Variants in SPOCK3 observed in about 807,000 individuals in gnomAD.
SPOCK3 encodes SPARC (osteonectin), cwcv and kazal like domains proteoglycan 3.
Under a neutral mutation model 56.6 loss-of-function variants are expected in SPOCK3, and 30 were observed. The ratio of observed to expected loss-of-function variants is 0.53; its 90% confidence interval spans 0.40 to 0.72. The LOEUF is 0.72. Among genes scored for constraint, SPOCK3 ranks in the 30% least tolerant of loss-of-function variants. The pLI, the probability that SPOCK3 is intolerant of heterozygous loss-of-function variation, is 0.00. For synonymous variants in SPOCK3, 196 were observed against 183.3 expected (o/e 1.07, Z -0.56); for missense variants, 527 against 530.0 (o/e 0.99, Z 0.06).
chr4:166,865,106 C>T (rs1311861136), intron 6 of SPOCK3, among the ~76,000 whole-genome samples: 1 of 152,120 alleles, frequency 6.6e-6, no homozygotes, highest in African/African-American at 2.4e-5. Context: ...GGCTTCATCC[C>T]TAGGATGCAA....
chr4:167,164,580 CT>C (rs1765595718), intron 2 of SPOCK3, among the ~76,000 whole-genome samples: 1 of 151,724 alleles, frequency 6.6e-6, no homozygotes, highest in Non-Finnish European at 1.5e-5. Context: ...TCCTAATGCT[CT>C]CCCCCATCTT....
intron 7 of SPOCK3, among the ~76,000 whole-genome samples, chr4:166,764,123 C>T (rs1737626293): frequency 6.6e-6 from 1 of 152,002 alleles, no homozygotes; most frequent in South Asian, 2.1e-4. Context: ...TCACTTTCCT[C>T]ATCTTCAAAG....
intron 2 of SPOCK3, among the ~76,000 whole-genome samples, chr4:167,098,912 A>G (rs574809454): frequency 6.6e-6 from 1 of 151,738 alleles, no homozygotes; most frequent in Non-Finnish European, 1.5e-5. Context: ...TTTATCTATC[A>G]CTTTCTGATG....
At chr4:166,874,561 C>T (rs1379614260) in intron 6 of SPOCK3, among the ~76,000 whole-genome samples, 1 of 152,166 alleles carries the variant, frequency 6.6e-6, no homozygotes, top group Non-Finnish European at 1.5e-5. Flanking sequence ...ACTGAATTAG[C>T]ATGTAATTGC....
intron 3 of SPOCK3, among the ~76,000 whole-genome samples, chr4:167,007,862 T>C (rs1338223610): frequency 6.6e-6 from 1 of 152,182 alleles, no homozygotes; most frequent in East Asian, 1.9e-4. Flanking sequence ...TTATGAATAT[T>C]ACCATTGGCC....
At chr4:167,017,382 T>C (rs951495457) in intron 3 of SPOCK3, among the ~76,000 whole-genome samples, 1 of 152,110 alleles carries the variant, frequency 6.6e-6, no homozygotes, top group African/African-American at 2.4e-5. Context: ...CCTCAGTTCC[T>C]ACCCAGCATA....
intron 4 of SPOCK3, among the ~76,000 whole-genome samples, chr4:166,999,526 C>T (rs1288499000): frequency 1.3e-5 from 2 of 152,098 alleles, no homozygotes; most frequent in East Asian, 3.9e-4. Flanking sequence ...TCTCTGAGCA[C>T]ACACAAATAG....
chr4:167,116,913 GTATA>G (rs70957813), intron 2 of SPOCK3, among the ~76,000 whole-genome samples: 5 of 121,536 alleles, frequency 4.1e-5, no homozygotes, highest in Non-Finnish European at 6.8e-5. Context: ...GTGTGTGTGT[GTATA>G]TATATATATA....
At chr4:166,742,092 T>C in intron 8 of SPOCK3, 33 bp from the exon 9 acceptor site, 1 of 1,509,936 alleles carries the variant, frequency 6.6e-7, no homozygotes, top group Non-Finnish European at 9.2e-7. Flanking sequence ...ACTTCAAGGA[T>C]TCTAGTTAAA....
intron 5 of SPOCK3, among the ~76,000 whole-genome samples, chr4:166,893,853 C>T (rs192781100): frequency 6.6e-6 from 1 of 152,204 alleles, no homozygotes; most frequent in Admixed American, 6.6e-5. Flanking sequence ...CTCTCATAAA[C>T]AGCATTCCTC....
intron 6 of SPOCK3, among the ~76,000 whole-genome samples, chr4:166,827,781 C>A (rs1300225386): frequency 6.6e-6 from 1 of 151,554 alleles, no homozygotes; most frequent in Non-Finnish European, 1.5e-5. Flanking sequence ...CACCTGACAC[C>A]CACTTCAAAT....
chr4:166,912,217 A>G (rs1319975027), intron 5 of SPOCK3, among the ~76,000 whole-genome samples: 1 of 152,126 alleles, frequency 6.6e-6, no homozygotes, highest in Non-Finnish European at 1.5e-5. Context: ...TCTGGTAAAG[A>G]GATTTTTGGT....
At chr4:166,872,332 A>G (rs1732577088) in intron 6 of SPOCK3, among the ~76,000 whole-genome samples, 1 of 152,152 alleles carries the variant, frequency 6.6e-6, no homozygotes, top group Non-Finnish European at 1.5e-5. Context: ...AAGAATCTAC[A>G]AAAGTCTCCT....
At chr4:167,078,278 T>C (rs1474265221) in intron 2 of SPOCK3, among the ~76,000 whole-genome samples, 4 of 150,948 alleles carry the variant, frequency 2.6e-5, no homozygotes, top group Non-Finnish European at 4.4e-5. Context: ...AATAGGTAAA[T>C]GTATACCTAT....
At chr4:167,164,827 T>A (rs2150449766) in intron 2 of SPOCK3, among the ~76,000 whole-genome samples, 1 of 152,318 alleles carries the variant, frequency 6.6e-6, no homozygotes. Context: ...ATTTTCTGTA[T>A]CCAGTCTATC....
intron 2 of SPOCK3, among the ~76,000 whole-genome samples, chr4:167,076,595 T>C (rs903480291): frequency 1.3e-5 from 2 of 151,900 alleles, no homozygotes; most frequent in South Asian, 4.1e-4. Context: ...AAATAATGCT[T>C]ACACTCTATG....
chr4:166,886,128 G>T (rs910778452), intron 6 of SPOCK3, among the ~76,000 whole-genome samples: 1 of 151,920 alleles, frequency 6.6e-6, no homozygotes, highest in Non-Finnish European at 1.5e-5. Flanking sequence ...GTAGAAAATG[G>T]TCTATTCATA....
At chr4:167,140,504 T>C (rs569301842) in intron 2 of SPOCK3, among the ~76,000 whole-genome samples, 14 of 152,130 alleles carry the variant, frequency 9.2e-5, no homozygotes, top group South Asian at 4.1e-4. Flanking sequence ...GGAACTTATC[T>C]GCCTGAAGAA....
intron 6 of SPOCK3, among the ~76,000 whole-genome samples, chr4:166,882,471 C>T (rs1733779855): frequency 2.0e-5 from 3 of 152,086 alleles, no homozygotes; most frequent in African/African-American, 2.4e-5. Context: ...TTGACTATGA[C>T]CACTGCTTTT....
Sources: allele counts gnomAD v4.1 joint callset (sites outside exome capture counted in the v4.1 genomes callset), GRCh38; gene constraint gnomAD v4.1.1; transcripts MANE v1.5; gene names NCBI Gene and HGNC (gene_info 2026-07-23, HGNC 2026-07-21).